ART3: variants seen among roughly 807,000 people sequenced by gnomAD.
ART3 encodes ecto-ADP-ribosyltransferase 3.
A neutral mutation model predicts 48.5 loss-of-function variants in ART3; 49 were observed. The observed-to-expected ratio is 1.01, with a 90% confidence interval of 0.80 to 1.28. The LOEUF (loss-of-function observed/expected upper bound fraction) is 1.28, where lower values mean the gene tolerates loss of function less well. Ranked by LOEUF, ART3 falls within the 50% of genes most tolerant of loss-of-function variation. The probability of loss-of-function intolerance (pLI) is 0.00; values close to 1 mark genes in which losing one functional copy is unlikely to be tolerated. For synonymous variants in ART3, 145 were observed against 157.2 expected, an observed-to-expected ratio of 0.92 and a Z score of 0.58; for missense variants, 438 against 454.3, an observed-to-expected ratio of 0.96 and a Z score of 0.33.
chr4:76,081,081 A>G (rs369177700), intron 2 of ART3, among the ~76,000 whole-genome samples: 2 of 152,164 alleles, frequency 1.3e-5, no homozygotes, highest in African/African-American at 4.8e-5. Context: ...GATTCTTACA[A>G]CTGGTGAAGA....
chr4:76,086,644 AT>A (rs1723646106), intron 3 of ART3, among the ~76,000 whole-genome samples: 1 of 152,212 alleles, frequency 6.6e-6, no homozygotes, highest in Non-Finnish European at 1.5e-5. Context: ...AGCTATGTTA[AT>A]TTGCTTCACT....
At chr4:76,087,064 G>A (rs17001358) in intron 3 of ART3, among the ~76,000 whole-genome samples, 2,763 of 152,288 alleles carry the variant, frequency 0.018, 90 homozygotes, top group African/African-American at 0.061. Context: ...GCCAGATGCC[G>A]TTTGTGGAAC....
At chr4:76,080,019 C>G (rs961197527) in intron 2 of ART3, among the ~76,000 whole-genome samples, 2 of 151,836 alleles carry the variant, frequency 1.3e-5, no homozygotes. Context: ...CAGCTTCTAG[C>G]TAAATATGTC....
rs138286962 is a variant in ART3, at chr4:76,095,973, G to A, written c.782-1671G>A. ...GTTTTGCTCTTGTCACCCAGGCTGG[G>A]GTGCAGTGGCGCAATCTTGGCTCAC... On this transcript the variant is annotated intron_variant, in intron 3 of 11. Coordinates refer to ENST00000355810, the MANE Select transcript of ART3 (RefSeq NM_001130016.3). Among the ~76,000 whole-genome samples, 723 of 151,892 alleles carry A rather than the reference G, an allele frequency of 4.8e-3. 6 individuals are homozygous for A. Among genetic ancestry groups the A allele is most frequent in the African/African-American group, 0.017 (692 of 41,408 alleles).
chr4:76,023,283 T>C (rs1277486510), intron 1 of ART3: 3 of 1,065,100 alleles, frequency 2.8e-6, no homozygotes, highest in Non-Finnish European at 2.9e-6. Flanking sequence ...AGTGAAACTT[T>C]TACAAATACA....
intron 11 of ART3, among the ~76,000 whole-genome samples, chr4:76,111,223 GT>G (rs148061388): frequency 0.048 from 7,253 of 152,166 alleles, 531 homozygotes; most frequent in African/African-American, 0.16. Context: ...ATCTCTCACA[GT>G]TCTCCTGTAT....
At chr4:76,067,914 A>G (rs1719899199) in intron 1 of ART3, among the ~76,000 whole-genome samples, 1 of 152,096 alleles carries the variant, frequency 6.6e-6, no homozygotes, top group South Asian at 2.1e-4. Context: ...AGAAATTTGC[A>G]CTCACCACTG....
At chr4:76,053,849 T>A (rs1736365857) in intron 1 of ART3, among the ~76,000 whole-genome samples, 1 of 152,192 alleles carries the variant, frequency 6.6e-6, no homozygotes, top group Non-Finnish European at 1.5e-5. Context: ...AACTTCAGCA[T>A]CACCATAAAC....
intron 1 of ART3, among the ~76,000 whole-genome samples, chr4:76,028,140 C>G (rs1336888314): frequency 6.6e-6 from 1 of 150,876 alleles, no homozygotes; most frequent in African/African-American, 2.4e-5. Context: ...GGGTAGAAAC[C>G]TGACAAATGT....
Position 76,082,186 on chromosome 4 carries a change from A to G in ART3, c.432A>G (p.Arg144=), listed in dbSNP as rs368951304. 1 of 1,614,098 alleles carries G rather than the reference A, an allele frequency of 6.2e-7. No homozygotes were observed. The highest frequency in any genetic ancestry group is 1.3e-5 in the African/African-American group (1 of 74,928). Residue 144 remains arginine (R), a synonymous_variant, in exon 3 of 12, where the codon AGA becomes AGG. Coordinates refer to ENST00000355810, the MANE Select transcript of ART3 (RefSeq NM_001130016.3). The part of the protein sequence containing the change: ...QFKAFHFYLT[R]ALQLLRKPCE... Reference sequence around the variant, plus strand: ...AAGCTTTCCACTTTTACCTCACAAGAGCCCTGCAGTTGCTGAGAAAACCTT... The same window carrying G: ...AAGCTTTCCACTTTTACCTCACAAGGGCCCTGCAGTTGCTGAGAAAACCTT...
intron 11 of ART3, among the ~76,000 whole-genome samples, chr4:76,110,070 G>C (rs1262051897): frequency 6.6e-6 from 1 of 151,946 alleles, no homozygotes; most frequent in African/African-American, 2.4e-5. Flanking sequence ...GAAAGGGAAA[G>C]AGTTTCTCCA....
chr4:76,088,099 A>G (rs1211255067), intron 3 of ART3, among the ~76,000 whole-genome samples: 2 of 152,082 alleles, frequency 1.3e-5, no homozygotes, highest in Non-Finnish European at 1.5e-5. Context: ...TTATACCTCA[A>G]TTGGGAGGAC....
intron 3 of ART3, among the ~76,000 whole-genome samples, chr4:76,092,288 A>G (rs1725072661): frequency 6.6e-6 from 1 of 152,200 alleles, no homozygotes; most frequent in Non-Finnish European, 1.5e-5. Context: ...CTGTATCCAA[A>G]TAGTGTTCAG....
intron 1 of ART3, among the ~76,000 whole-genome samples, chr4:76,060,677 TAAAAG>T (rs1368251680): frequency 8.5e-5 from 13 of 152,146 alleles, no homozygotes; most frequent in Admixed American, 7.2e-4. Context: ...CATGGGCACT[TAAAAG>T]AGGAAGAGGA....
chr4:76,111,356 G>A (rs1043314347), intron 11 of ART3, among the ~76,000 whole-genome samples: 1 of 152,138 alleles, frequency 6.6e-6, no homozygotes, highest in Non-Finnish European at 1.5e-5. Flanking sequence ...ACAAGAAAAA[G>A]TTGAATTGCT....
intron 3 of ART3, among the ~76,000 whole-genome samples, chr4:76,090,976 G>A (rs1724756410): frequency 6.6e-6 from 1 of 152,156 alleles, no homozygotes; most frequent in Non-Finnish European, 1.5e-5. Flanking sequence ...AGTTGGCACT[G>A]TCTAGAGTTT....
intron 10 of ART3, among the ~76,000 whole-genome samples, chr4:76,106,895 C>T (rs2109786907): frequency 6.6e-6 from 1 of 152,270 alleles, no homozygotes; most frequent in South Asian, 2.1e-4. Flanking sequence ...GACGGTGCTC[C>T]TGCTCTATCA....
chr4:76,044,621 A>G (rs1735315405), intron 1 of ART3, among the ~76,000 whole-genome samples: 1 of 150,620 alleles, frequency 6.6e-6, no homozygotes, highest in Admixed American at 6.6e-5. Context: ...CTCTCTTTTT[A>G]ACTCTCTCTT....
rs189856178 is a variant in ART3, at chr4:76,017,728, G to A, written c.-10+6408G>A. 3.9e-5 allele frequency among the ~76,000 whole-genome samples: 6 copies of A among 152,174 alleles called. No individual in the cohort carries two copies. The South Asian group carries it at 6.2e-4, about 16-fold the overall frequency. ...ATTTAGGACCCCAGAGCACTTTAGC[G>A]AGCAGAGGCAAGACTTGCCAAAACT... On this transcript the variant is annotated intron_variant, in intron 1 of 9. Transcript: ENST00000341029.
Sources: allele counts gnomAD v4.1 joint callset (sites outside exome capture counted in the v4.1 genomes callset), GRCh38; gene constraint gnomAD v4.1.1; transcripts MANE v1.5; gene names NCBI Gene and HGNC (gene_info 2026-07-23, HGNC 2026-07-21).